NREP: variants seen among roughly 807,000 people sequenced by gnomAD.
The protein encoded by NREP is neuronal regeneration-related protein.
Under a neutral mutation model 8.6 loss-of-function variants are expected in NREP, and 5 were observed. The observed-to-expected ratio is 0.58, with a 90% CI of 0.30 to 1.22. The LOEUF is 1.22. NREP is among the 50% of genes most tolerant of loss of function. The pLI, the probability that NREP is intolerant of heterozygous loss-of-function variation, is 0.07. For missense variants in NREP, 86 were observed against 82.5 expected (o/e 1.04, Z -0.17); for synonymous variants, 27 against 28.0 (o/e 0.96, Z 0.11).
At position 111,749,312 on chromosome 5, in the gene NREP, G is replaced by C. The variant is rs564952309; in HGVS notation, c.3+6458C>G. 1.7e-4 allele frequency among the ~76,000 whole-genome samples: 26 copies of C among 152,176 alleles called. No homozygotes were observed. In the South Asian group the frequency reaches 5.2e-3, roughly 30 times the overall value. On this transcript the variant is annotated intron_variant, in intron 2 of 3. Coordinates refer to ENST00000257435, the MANE Select transcript of NREP (RefSeq NM_004772.4). ...TGTCACTTTTACTGAGAGATTTACA[G>C]ACAAGTACCACCTCATCTAAAGGGG... is the stretch of plus-strand genomic sequence containing the variant.
intron 2 of NREP, among the ~76,000 whole-genome samples, chr5:111,740,159 A>G (rs1749526731): frequency 3.3e-5 from 5 of 152,090 alleles, no homozygotes; most frequent in African/African-American, 4.8e-5. Flanking sequence ...ATGATGCTAT[A>G]TTTATCTCAC....
rs920852201 is a variant in NREP, at chr5:111,894,111, C to T, written c.135+81163G>A. 4.0e-5 allele frequency among the ~76,000 whole-genome samples: 6 copies of T among 151,700 alleles called. No homozygotes were observed. In the South Asian group the frequency reaches 1.0e-3, roughly 26 times the overall value. ...GCAGGCACCTGTAATGCCAGCTACT[C>T]GGGAGGCTGAGGCAGGAGAATTTCC... On this transcript the variant is annotated intron_variant, in intron 2 of 3. Transcript: ENST00000395634.
intron 2 of NREP, 163 bp downstream of exon 2, chr5:111,755,607 T>C (rs1434923707): frequency 5.6e-6 from 4 of 709,576 alleles, no homozygotes; most frequent in Non-Finnish European, 7.6e-6. Flanking sequence ...TCACATAAAT[T>C]GCTGTACTGC....
At chr5:111,832,610 T>C (rs922768528) in intron 2 of NREP, among the ~76,000 whole-genome samples, 9 of 152,144 alleles carry the variant, frequency 5.9e-5, no homozygotes, top group Non-Finnish European at 7.4e-5. Flanking sequence ...CCTATAACCA[T>C]TGCAAGCACT....
chr5:111,763,793 C>T (rs1176740604), intron 2 of NREP, among the ~76,000 whole-genome samples: 4 of 152,148 alleles, frequency 2.6e-5, no homozygotes, highest in South Asian at 4.1e-4. Context: ...TGCGCGCACG[C>T]GCATGCTTAT....
At chr5:111,914,836 G>A (rs986090393) in intron 2 of NREP, among the ~76,000 whole-genome samples, 1 of 152,060 alleles carries the variant, frequency 6.6e-6, no homozygotes, top group African/African-American at 2.4e-5. Context: ...TGTTAGAAAA[G>A]CTTAAACATG....
chr5:111,971,336 G>C (rs962399095), intron 2 of NREP, among the ~76,000 whole-genome samples: 11 of 152,044 alleles, frequency 7.2e-5, no homozygotes, highest in Non-Finnish European at 1.5e-4. Context: ...CACAGAAATA[G>C]AGAAAACAAT....
At chr5:111,867,385 C>CA (rs1427467954) in intron 2 of NREP, among the ~76,000 whole-genome samples, 1 of 152,098 alleles carries the variant, frequency 6.6e-6, no homozygotes, top group African/African-American at 2.4e-5. Flanking sequence ...TTCATGCATG[C>CA]ATGGGGAGGA....
chr5:111,852,853 T>A (rs1753343222), intron 2 of NREP, among the ~76,000 whole-genome samples: 1 of 152,186 alleles, frequency 6.6e-6, no homozygotes, highest in Non-Finnish European at 1.5e-5. Flanking sequence ...GCTCTGCCAC[T>A]TTAGTCCTGT....
Position 111,867,383 on chromosome 5 carries a change from T to G in NREP, c.135+107891A>C, listed in dbSNP as rs561347766. 5.9e-5 allele frequency among the ~76,000 whole-genome samples: 9 copies of G among 152,296 alleles called. No individual in the cohort carries two copies. In the East Asian group the frequency reaches 1.7e-3, roughly 29 times the overall value. Reference sequence around the variant, plus strand: ...GCTCACATGGGTTTTTCTTCATGCATGCATGGGGAGGACGCACTTCCTTGC... The same window carrying G: ...GCTCACATGGGTTTTTCTTCATGCAGGCATGGGGAGGACGCACTTCCTTGC... On this transcript the variant is annotated intron_variant, in intron 2 of 3. Coordinates refer to the NREP transcript ENST00000395634.
At chr5:111,902,665 T>G (rs1213437907) in intron 2 of NREP, among the ~76,000 whole-genome samples, 1 of 152,194 alleles carries the variant, frequency 6.6e-6, no homozygotes, top group African/African-American at 2.4e-5. Context: ...TGATAACATC[T>G]TATTACAAGA....
chr5:111,733,604 G>C (rs1028543374), intron 3 of NREP: 1 of 152,024 alleles, frequency 6.6e-6, no homozygotes, highest in Non-Finnish European at 1.5e-5. Context: ...ACACAAAGAA[G>C]TCTTCTTTCT....
In NREP at chr5:111,891,300, T is replaced by A. The variant is rs180758814; in HGVS notation, c.135+83974A>T. ...TCTTTGCTCCAGTTCCAAATAAGTT[T>A]CTGATTTCCATCTGAGATTTCATCA... On this transcript the variant is annotated intron_variant, in intron 2 of 3. Coordinates refer to the NREP transcript ENST00000395634. 2.5e-4 allele frequency among the ~76,000 whole-genome samples: 38 copies of A among 152,356 alleles called. 1 individual carries two copies. The highest frequency in any genetic ancestry group is 4.9e-4 in the Non-Finnish European group (33 of 68,030).
chr5:111,915,372 T>G (rs116049521), intron 2 of NREP, among the ~76,000 whole-genome samples: 1 of 152,172 alleles, frequency 6.6e-6, no homozygotes, highest in East Asian at 1.9e-4. Flanking sequence ...ACATGAATCC[T>G]CATTGCAGAG....
upstream of NREP, among the ~76,000 whole-genome samples, chr5:111,758,555 GAGA>G (rs1458456008): frequency 2.0e-5 from 3 of 152,106 alleles, no homozygotes; most frequent in Admixed American, 2.0e-4. Flanking sequence ...GATGTCACAG[GAGA>G]AGATTATTTC....
At chr5:111,758,074 G>A, upstream of NREP, 2 of 985,564 alleles carry the variant, frequency 2.0e-6, no homozygotes, top group Non-Finnish European at 2.4e-6. Flanking sequence ...GACACACAAA[G>A]AGTCCGCGAA....
At chr5:111,735,537 G>C in intron 2 of NREP, 30 bp from the exon 3 acceptor site, 1 of 1,519,316 alleles carries the variant, frequency 6.6e-7, no homozygotes, top group Non-Finnish European at 9.1e-7. Flanking sequence ...TACACATTCA[G>C]ATTAAAAACA....
intron 2 of NREP, among the ~76,000 whole-genome samples, chr5:111,887,318 C>T (rs1164234749): frequency 6.6e-6 from 1 of 152,160 alleles, no homozygotes; most frequent in Admixed American, 6.5e-5. Context: ...CCATTATCCT[C>T]AGTGCACATA....
chr5:111,765,396 T>A (rs1055233054), intron 2 of NREP, among the ~76,000 whole-genome samples: 4 of 152,178 alleles, frequency 2.6e-5, no homozygotes, highest in Non-Finnish European at 4.4e-5. Context: ...CAGGTCTAAA[T>A]CATGACTAGA....
Sources: gnomAD v4.1 joint callset for allele counts (sites outside exome capture counted in the v4.1 genomes callset) on GRCh38, gnomAD v4.1.1 for gene constraint, MANE v1.5 for transcripts, NCBI Gene and HGNC (gene_info 2026-07-23, HGNC 2026-07-21) for gene names.